Variants in LTBP2 observed in about 807,000 individuals in gnomAD.
LTBP2 encodes latent transforming growth factor beta binding protein 2.
In LTBP2, 103 loss-of-function variants were observed where a neutral mutation model predicts 210.6. The ratio of observed to expected loss-of-function variants is 0.49; its 90% CI spans 0.42 to 0.58. The LOEUF (loss-of-function observed/expected upper bound fraction) is 0.58. Ranked by LOEUF, LTBP2 falls within the 20% of genes least tolerant of loss-of-function variation. The probability of loss-of-function intolerance (pLI) is 0.00; values close to 1 mark genes in which losing one functional copy is unlikely to be tolerated. For synonymous variants in LTBP2, 1,007 were observed against 1,015.0 expected (o/e 0.99, Z 0.15); for missense variants, 2,313 against 2,494.5 (o/e 0.93, Z 1.55).
At chr14:74,574,353 T>C (rs1474483806) in intron 3 of LTBP2, among the ~76,000 whole-genome samples, 2 of 152,202 alleles carry the variant, frequency 1.3e-5, no homozygotes, top group African/African-American at 4.8e-5. Context: ...TGATGAGCTC[T>C]GGGGAACCTC....
In LTBP2 at chr14:74,549,762, C is replaced by T. The variant is rs1056016163; in HGVS notation, c.1789+101G>A. The T allele has an allele frequency of 5.1e-6, 5 of 975,546 alleles. No homozygotes were observed. The African/African-American group carries it at 6.4e-5, about 12-fold the overall frequency. The allele number at this position is 975,546 out of a possible 1,614,324, so 60.4% of individuals were successfully genotyped here. Reference sequence around the variant, plus strand: ...TCTGCAGTTTACCAGCCTGTTCTACCTGCCTGGCCTCTGACATCCTGGAGG... The same window carrying T: ...TCTGCAGTTTACCAGCCTGTTCTACTTGCCTGGCCTCTGACATCCTGGAGG... On this transcript the variant is annotated intron_variant, in intron 8 of 35. Coordinates refer to ENST00000261978, the MANE Select transcript of LTBP2 (RefSeq NM_000428.3).
At chr14:74,544,241 A>G (rs2087550417) in intron 8 of LTBP2, among the ~76,000 whole-genome samples, 1 of 152,186 alleles carries the variant, frequency 6.6e-6, no homozygotes, top group Admixed American at 6.5e-5. Flanking sequence ...ACCCCAGCAC[A>G]GCTGTTCCCC....
intron 1 of LTBP2, among the ~76,000 whole-genome samples, chr14:74,604,416 G>A (rs1410073142): frequency 2.0e-5 from 3 of 152,184 alleles, no homozygotes; most frequent in Non-Finnish European, 4.4e-5. Flanking sequence ...CTTACAAGGT[G>A]GCAAGCTGGT....
At chr14:74,555,191 C>T (rs1275789035) in intron 4 of LTBP2, among the ~76,000 whole-genome samples, 1 of 151,920 alleles carries the variant, frequency 6.6e-6, no homozygotes, top group Non-Finnish European at 1.5e-5. Context: ...TGAGGTGGAA[C>T]GAGTGGGACC....
At chr14:74,514,487 C>T (rs1013188578) in intron 18 of LTBP2, among the ~76,000 whole-genome samples, 2 of 152,244 alleles carry the variant, frequency 1.3e-5, no homozygotes, top group Non-Finnish European at 2.9e-5. Flanking sequence ...CCTGGAGCTT[C>T]TCTAACCACA....
intron 3 of LTBP2, among the ~76,000 whole-genome samples, chr14:74,557,255 C>A (rs113785923): frequency 0.013 from 1,950 of 152,072 alleles, 60 homozygotes; most frequent in African/African-American, 0.045. Flanking sequence ...AGGGAGACTC[C>A]ATCTCAAAAA....
intron 1 of LTBP2, among the ~76,000 whole-genome samples, chr14:74,606,427 T>C (rs1354523181): frequency 6.6e-6 from 1 of 152,264 alleles, no homozygotes; most frequent in African/African-American, 2.4e-5. Flanking sequence ...AGTTACCCTA[T>C]GGATTTCACT....
At chr14:74,506,880 C>CCT in intron 26 of LTBP2, 57 bp from the exon 27 acceptor site, 5 of 1,514,182 alleles carry the variant, frequency 3.3e-6, no homozygotes, top group Non-Finnish European at 4.5e-6. Context: ...TGTGTGTGTG[C>CCT]GCGCGCGCGT....
rs780556050 is a variant in LTBP2, at chr14:74,509,803, C to T, written c.3208G>A (p.Glu1070Lys). ...SCPTGLCLNT[E>K]GSFACSACEN... ...CAGGCAGAGCAGGCGAAGGAGCCCT[C>T]CGTGTTGAGGCAGAGGCCTGTGGGG... Residue 1070 changes from glutamate (E) to lysine (K), a missense_variant, in exon 21 of 36, where the codon GAG (glutamate) becomes AAG (lysine). Physicochemically the swap from Glu to Lys is moderately conservative, Grantham distance 56. This residue lies in a region of LTBP2 where 1,867 missense variants were observed against 1,976.9 expected (regional missense o/e 0.94). Transcript: ENST00000261978. 60 of 1,614,010 alleles carry T rather than the reference C, an allele frequency of 3.7e-5. No individual in the cohort carries two copies. The highest frequency in any genetic ancestry group is 5.0e-5 in the Non-Finnish European group (59 of 1,180,044).
chr14:74,509,026 C>T, intron 22 of LTBP2, 74 bp from the exon 23 acceptor site: 2 of 1,600,640 alleles, frequency 1.2e-6, no homozygotes, highest in East Asian at 4.5e-5. Flanking sequence ...GGGGAAGTCT[C>T]CAGAGGACCT....
intron 3 of LTBP2, among the ~76,000 whole-genome samples, chr14:74,575,729 C>A (rs2088049310): frequency 6.6e-6 from 1 of 152,200 alleles, no homozygotes; most frequent in Admixed American, 6.5e-5. Flanking sequence ...CTACCCTCTG[C>A]AACAGCAGGG....
chr14:74,521,221 C>T (rs1566621324), intron 17 of LTBP2, among the ~76,000 whole-genome samples: 3 of 152,140 alleles, frequency 2.0e-5, no homozygotes. Flanking sequence ...AATGTGAGCC[C>T]CAAGCACAGG....
chr14:74,552,225 T>G lies in LTBP2; in HGVS notation c.1361A>C (p.Lys454Thr). ...GAGCGGCAGTGTGAAAGTGGACTGCTTCAGTGGGGCTTCCAGCAAGGCCCT... is the reference window on the plus strand; with the variant it reads ...GAGCGGCAGTGTGAAAGTGGACTGCGTCAGTGGGGCTTCCAGCAAGGCCCT... ...RPRALLEAPL[K>T]QSTFTLPLSN... The change falls in exon 6 of 36, where the codon AAG becomes ACG. Residue 454 changes from lysine to threonine, a missense_variant. Lys to Thr is a moderately conservative substitution (Grantham distance 78). This residue lies in a region of LTBP2 where 1,867 missense variants were observed against 1,976.9 expected (regional missense o/e 0.94). Coordinates refer to ENST00000261978, the MANE Select transcript of LTBP2 (RefSeq NM_000428.3). The G allele has an allele frequency of 2.5e-6, 4 of 1,612,108 alleles. No individual in the cohort carries two copies. The highest frequency in any genetic ancestry group is 2.5e-6 in the Non-Finnish European group (3 of 1,179,542).
In LTBP2 at chr14:74,505,096, C is replaced by T. The variant is rs765908355; in HGVS notation, c.4256G>A (p.Gly1419Asp). 1 of 1,614,078 alleles carries T rather than the reference C, an allele frequency of 6.2e-7. No individual in the cohort carries two copies. The highest frequency in any genetic ancestry group is 8.5e-7 in the Non-Finnish European group (1 of 1,180,034). Residue 1419 changes from glycine to aspartate, a missense_variant, in exon 29 of 36, where the codon GGC becomes GAC. Physicochemically the swap from Gly to Asp is moderately conservative, Grantham distance 94 (BLOSUM62 -1). Around this residue, in one of 3 missense-constraint regions of LTBP2, gnomAD observed 1,867 missense variants for 1,976.9 expected, o/e 0.94. Coordinates refer to ENST00000261978, the MANE Select transcript of LTBP2 (RefSeq NM_000428.3). Reference sequence around the variant, plus strand: ...CAGGACACTGGAGCAGGGCGCATGGCCCTTCTGCCCGGAGTAGCAGTCCAT... The same window carrying T: ...CAGGACACTGGAGCAGGGCGCATGGTCCTTCTGCCCGGAGTAGCAGTCCAT... ...TRMDCYSGQK[G>D]HAPCSSVLGR...
intron 8 of LTBP2, among the ~76,000 whole-genome samples, chr14:74,537,901 T>C (rs2087443071): frequency 6.6e-6 from 1 of 152,128 alleles, no homozygotes; most frequent in African/African-American, 2.4e-5. Context: ...ATTACAGGCA[T>C]GTGCCACCAG....
intron 2 of LTBP2, among the ~76,000 whole-genome samples, chr14:74,602,322 C>T (rs1156731227): frequency 6.6e-6 from 1 of 152,214 alleles, no homozygotes; most frequent in Non-Finnish European, 1.5e-5. Flanking sequence ...TAAGATAATG[C>T]ATGTGAAGAG....
Position 74,504,801 on chromosome 14 carries a change from G to A in LTBP2, c.4430C>T (p.Thr1477Met), listed in dbSNP as rs766384767. Residue 1477 changes from threonine (T) to methionine (M), a missense_variant, in exon 30 of 36, where the codon ACG becomes ATG. By Grantham distance (81) the Thr-to-Met change is moderately conservative. Transcript: ENST00000261978. ...ACCTGTGTACATGGTCTGTCCAAAC[G>A]TCCAGGCTCCTTCCACAGGAATGTA... ...KGYIPVEGAW[T>M]FGQTMYTDAD... 7.4e-6 allele frequency: 12 copies of A among 1,614,204 alleles called. No individual in the cohort carries two copies. Among genetic ancestry groups the A allele is most frequent in the East Asian group, 4.5e-5 (2 of 44,884 alleles).
At chr14:74,504,935 A>C (rs1290850415) in intron 29 of LTBP2, 48 bp downstream of exon 29, 2 of 1,613,654 alleles carry the variant, frequency 1.2e-6, no homozygotes, top group East Asian at 4.5e-5. Flanking sequence ...TTTCAGTGTC[A>C]CCTTGCAGAG....
At chr14:74,553,533 G>C (rs890976846) in intron 4 of LTBP2, among the ~76,000 whole-genome samples, 2 of 152,212 alleles carry the variant, frequency 1.3e-5, no homozygotes, top group Non-Finnish European at 2.9e-5. Context: ...TCTAAGAGAA[G>C]AGAAGATAAA....
Sources: gnomAD v4.1 joint callset for allele counts (sites outside exome capture counted in the v4.1 genomes callset) on GRCh38, gnomAD v4.1.1 for gene constraint, gnomAD v4.1.1 regional missense constraint, MANE v1.5 for transcripts, NCBI Gene and HGNC (gene_info 2026-07-23, HGNC 2026-07-21) for gene names.